SWT1: variants seen among roughly 807,000 people sequenced by gnomAD.
The protein encoded by SWT1 is transcriptional protein SWT1.
In SWT1, 33 loss-of-function variants were observed where a neutral mutation model predicts 107.3. The ratio of observed to expected loss-of-function variants is 0.31; its 90% CI spans 0.23 to 0.41. The LOEUF (loss-of-function observed/expected upper bound fraction) is 0.41, where lower values mean the gene tolerates loss of function less well. Ranked by LOEUF, SWT1 falls within the 10% of genes least tolerant of loss-of-function variation. SWT1 has a pLI of 1.00. For synonymous variants in SWT1, 345 were observed against 348.3 expected, an observed-to-expected ratio of 0.99 and a Z score of 0.11; for missense variants, 898 against 1,028.9, an observed-to-expected ratio of 0.87 and a Z score of 1.74.
At chr1:185,244,435 T>C (rs1035486130) in intron 16 of SWT1, among the ~76,000 whole-genome samples, 1 of 151,976 alleles carries the variant, frequency 6.6e-6, no homozygotes, top group Admixed American at 6.6e-5. Context: ...ATTATTTGTG[T>C]ACCTAAACAT....
At chr1:185,172,469 A>G (rs1407566509) in intron 4 of SWT1, among the ~76,000 whole-genome samples, 2 of 152,200 alleles carry the variant, frequency 1.3e-5, no homozygotes, top group African/African-American at 2.4e-5. Flanking sequence ...CCAAAATTTT[A>G]GCAGTTACTT....
At chr1:185,262,384 TC>T (rs1424874165) in intron 16 of SWT1, 1 of 152,302 alleles carries the variant, frequency 6.6e-6, no homozygotes. Context: ...AAGATTATCA[TC>T]CAAGGAAGCA....
chr1:185,276,041 A>T (rs1049542384), intron 17 of SWT1, among the ~76,000 whole-genome samples: 3 of 152,182 alleles, frequency 2.0e-5, no homozygotes, highest in Non-Finnish European at 4.4e-5. Context: ...AAGTTTTCAG[A>T]TTCTTCCCTG....
intron 16 of SWT1, among the ~76,000 whole-genome samples, chr1:185,254,937 A>G (rs1164761802): frequency 1.3e-5 from 2 of 152,078 alleles, no homozygotes; most frequent in Non-Finnish European, 2.9e-5. Context: ...AATTCCCTCT[A>G]CACACTGCGT....
At chr1:185,283,051 T>C (rs1664734313) in intron 18 of SWT1, among the ~76,000 whole-genome samples, 1 of 152,116 alleles carries the variant, frequency 6.6e-6, no homozygotes, top group Non-Finnish European at 1.5e-5. Flanking sequence ...GAAGAGGAGA[T>C]ACATAGAGTG....
chr1:185,255,705 G>A (rs2102668674), intron 16 of SWT1, among the ~76,000 whole-genome samples: 1 of 141,778 alleles, frequency 7.1e-6, no homozygotes, highest in Middle Eastern at 3.5e-3. Context: ...CCTGAATACA[G>A]CACACTGATG....
intron 16 of SWT1, among the ~76,000 whole-genome samples, chr1:185,232,558 A>G (rs1002698619): frequency 4.6e-5 from 7 of 152,214 alleles, no homozygotes; most frequent in Admixed American, 6.5e-5. Context: ...AGGTATTAGT[A>G]TTTTAATAGA....
chr1:185,168,218 A>G, intron 3 of SWT1, 122 bp from the exon 4 acceptor site: 2 of 552,566 alleles, frequency 3.6e-6, no homozygotes, highest in Admixed American at 5.0e-5. Flanking sequence ...GATAATATCC[A>G]TCTCACCGGA....
chr1:185,238,978 A>T (rs1305236940), intron 16 of SWT1, among the ~76,000 whole-genome samples: 1 of 152,136 alleles, frequency 6.6e-6, no homozygotes, highest in Non-Finnish European at 1.5e-5. Flanking sequence ...GCTTGCTAAA[A>T]TGACCTAGTT....
chr1:185,184,427 A>G (rs1656280198), intron 8 of SWT1, 83 bp downstream of exon 8: 1 of 818,160 alleles, frequency 1.2e-6, no homozygotes, highest in Non-Finnish European at 2.0e-6. Context: ...TTTTTTTGCC[A>G]TGAACATGTC....
At chr1:185,215,794 C>T (rs1328199290) in intron 14 of SWT1, among the ~76,000 whole-genome samples, 1 of 152,104 alleles carries the variant, frequency 6.6e-6, no homozygotes, top group Non-Finnish European at 1.5e-5. Flanking sequence ...CCTGCCTCAG[C>T]CTCCCAAAGT....
At chr1:185,228,191 A>C (rs1053248087) in intron 15 of SWT1, among the ~76,000 whole-genome samples, 7 of 114,472 alleles carry the variant, frequency 6.1e-5, no homozygotes, top group African/African-American at 2.8e-4. Context: ...ATATATATAC[A>C]TATATATATA....
At chr1:185,190,408 G>T in intron 9 of SWT1, 141 bp from the exon 10 acceptor site, 1 of 562,464 alleles carries the variant, frequency 1.8e-6, no homozygotes, top group Non-Finnish European at 3.2e-6. Context: ...GTATAATGAC[G>T]TGTGTCCACC....
chr1:185,174,451 G>A lies in SWT1; in HGVS notation c.304G>A (p.Ala102Thr), dbSNP rs768060034. 4 of 1,606,184 alleles carry A rather than the reference G, an allele frequency of 2.5e-6. No individual in the cohort carries two copies. In the African/African-American group the frequency reaches 4.0e-5, roughly 16 times the overall value. Reference sequence around the variant, plus strand: ...CCAAAGACCTATTAAACTCAAAGAAGCATCATATTCAAATGATAATCAAAT... The same window carrying A: ...CCAAAGACCTATTAAACTCAAAGAAACATCATATTCAAATGATAATCAAAT... ...SSQRPIKLKEASYSNDNQIIL... is the reference protein window; with the variant it reads ...SSQRPIKLKETSYSNDNQIIL... The change falls in exon 5 of 19, where the codon GCA (alanine) becomes ACA (threonine). Residue 102 changes from alanine (A) to threonine (T), a missense_variant. Coordinates refer to ENST00000367500, the MANE Select transcript of SWT1 (RefSeq NM_017673.7).
chr1:185,233,784 C>T (rs1345764328), intron 16 of SWT1, among the ~76,000 whole-genome samples: 2 of 152,144 alleles, frequency 1.3e-5, no homozygotes, highest in Non-Finnish European at 2.9e-5. Flanking sequence ...TGCTCTGTCG[C>T]CCAGGCTGGA....
rs769787150 is a variant in SWT1 at position 185,231,658 on chromosome 1, T to C, written c.2391T>C (p.Cys797=). Residue 797 remains cysteine (C), a synonymous_variant, in exon 16 of 19, where the codon TGT becomes TGC. Transcript: ENST00000367500. ...NIASFEEAFI[C]LQKLMAAVRD... ...CATCATTTGAAGAAGCATTTATATG[T>C]CTTCAAAAGTTAATGGCAGCTGTGA... The C allele has an allele frequency of 4.4e-6, 7 of 1,608,548 alleles. No homozygotes were observed. Among genetic ancestry groups the C allele is most frequent in the Non-Finnish European group, 6.0e-6 (7 of 1,175,380 alleles).
chr1:185,171,949 G>A (rs1402177186), intron 4 of SWT1, among the ~76,000 whole-genome samples: 1 of 152,170 alleles, frequency 6.6e-6, no homozygotes, highest in Non-Finnish European at 1.5e-5. Flanking sequence ...ATGCATATAT[G>A]ATGAAAACTC....
chr1:185,248,662 C>A (rs981968293), intron 16 of SWT1, among the ~76,000 whole-genome samples: 3 of 151,782 alleles, frequency 2.0e-5, no homozygotes, highest in Admixed American at 6.6e-5. Context: ...AGATACTAAT[C>A]TCTCTCCTCT....
At chr1:185,211,932 C>T (rs555261977) in intron 13 of SWT1, among the ~76,000 whole-genome samples, 5 of 152,114 alleles carry the variant, frequency 3.3e-5, no homozygotes, top group Non-Finnish European at 7.4e-5. Flanking sequence ...TGGAAACCAT[C>T]ATTCTCAGCA....
Sources: gnomAD v4.1 joint callset for allele counts (sites outside exome capture counted in the v4.1 genomes callset) on GRCh38, gnomAD v4.1.1 for gene constraint, MANE v1.5 for transcripts, NCBI Gene and HGNC (gene_info 2026-07-23, HGNC 2026-07-21) for gene names.